The following TCP1 variants were observed in gnomAD, a reference collection of about 807,000 sequenced individuals.
The protein encoded by TCP1 is t-complex 1.
In TCP1, 6 loss-of-function variants were observed where a neutral mutation model predicts 54.7. That is an observed-to-expected ratio of 0.11 (90% CI 0.06 to 0.22). The LOEUF (loss-of-function observed/expected upper bound fraction) is 0.22, where lower values mean the gene tolerates loss of function less well. Ranked by LOEUF, TCP1 falls within the 10% of genes least tolerant of loss-of-function variation. The pLI is 1.00. For missense variants in TCP1, 511 were observed against 678.2 expected (o/e 0.75, Z 2.74); for synonymous variants, 225 against 229.7 (o/e 0.98, Z 0.19).
chr6:159,780,225 G>C (rs1427550689), intron 9 of TCP1, 138 bp from the exon 10 acceptor site: 1 of 1,212,220 alleles, frequency 8.2e-7, no homozygotes, highest in Non-Finnish European at 1.2e-6. Context: ...GCCTACACAG[G>C]ATATTTAGAT....
intron 3 of TCP1, among the ~76,000 whole-genome samples, chr6:159,786,222 A>C (rs1780694075): frequency 6.6e-6 from 1 of 152,206 alleles, no homozygotes; most frequent in Non-Finnish European, 1.5e-5. Context: ...TAAGCAAAAC[A>C]ATGGACAGCA....
chr6:159,779,984 T>C lies in TCP1; in HGVS notation c.1201A>G (p.Arg401Gly), dbSNP rs1780532992. 1 of 1,614,014 alleles carries C rather than the reference T, an allele frequency of 6.2e-7. No homozygotes were observed. The highest frequency in any genetic ancestry group is 1.3e-5 in the African/African-American group (1 of 74,926). Reference protein sequence around the residue: ...SLHDALCVVKRVLESKSVVPG... With the variant: ...SLHDALCVVKGVLESKSVVPG... ...ACCACAGATTTTGACTCCAAAACTCTCTTCACTACACAAAGTGCATCATGT... is the reference window on the plus strand; with the variant it reads ...ACCACAGATTTTGACTCCAAAACTCCCTTCACTACACAAAGTGCATCATGT... Residue 401 changes from arginine (R) to glycine (G), a missense_variant, in exon 10 of 12, where the codon AGA becomes GGA. Physicochemically the swap from Arg to Gly is moderately radical, Grantham distance 125. Coordinates refer to ENST00000321394, the MANE Select transcript of TCP1 (RefSeq NM_030752.3).
At chr6:159,786,022 T>G (rs1245443206) in intron 3 of TCP1, 25 bp from the exon 4 acceptor site, 12 of 1,579,690 alleles carry the variant, frequency 7.6e-6, no homozygotes, top group Non-Finnish European at 1.0e-5. Flanking sequence ...TTCACTGGTC[T>G]GAGTGTGCCG....
At position 159,778,977 on chromosome 6, in the gene TCP1, G is replaced by A; in HGVS notation, c.*68C>T. Reference sequence around the variant, plus strand: ...TTTACAGCTTGTACTTTACTTTAATGTGTAATACTCAACTCAAGGTACAAG... The same window carrying A: ...TTTACAGCTTGTACTTTACTTTAATATGTAATACTCAACTCAAGGTACAAG... On this transcript the variant is annotated 3_prime_UTR_variant, in exon 12 of 12. Coordinates refer to ENST00000321394, the MANE Select transcript of TCP1 (RefSeq NM_030752.3). The A allele has an allele frequency of 6.4e-7, 1 of 1,563,080 alleles. No homozygotes were observed. Among genetic ancestry groups the A allele is most frequent in the Non-Finnish European group, 8.7e-7 (1 of 1,145,088 alleles).
Position 159,783,920 on chromosome 6 carries a change from A to C in TCP1, c.797+21T>G, listed in dbSNP as rs372023013. ...CCAAGACACTCACACTTAAAAGGCC[A>C]AAAATAATCTCTCAACATACCTCTG... On this transcript the variant is annotated intron_variant, in intron 7 of 11. Coordinates refer to ENST00000321394, the MANE Select transcript of TCP1 (RefSeq NM_030752.3). 123 of 1,568,164 alleles carry C rather than the reference A, an allele frequency of 7.8e-5. No homozygotes were observed. The African/African-American group carries it at 1.6e-3, about 20-fold the overall frequency.
intron 1 of TCP1, 161 bp downstream of exon 1, chr6:159,789,244 G>C (rs1055738299): frequency 7.9e-6 from 6 of 757,032 alleles, no homozygotes; most frequent in African/African-American, 3.6e-5. Flanking sequence ...GGGCCACAGC[G>C]CCCTGCCCCA....
chr6:159,785,276 T>A lies in TCP1; in HGVS notation c.488+110A>T, dbSNP rs891524475. The A allele has an allele frequency of 6.0e-6, 5 of 829,460 alleles. No homozygotes were observed. In the East Asian group the frequency reaches 9.8e-5, roughly 16 times the overall value. The allele number at this position is 829,460 out of a possible 1,614,324, so 51.4% of individuals were successfully genotyped here. A position where few individuals can be genotyped will look rare whatever the true frequency, so the allele number is the denominator to read the frequency against. On this transcript the variant is annotated intron_variant, in intron 5 of 11. Coordinates refer to ENST00000321394, the MANE Select transcript of TCP1 (RefSeq NM_030752.3). ...TGGCACTCCTGGGTTCAATTAATAC[T>A]CCTACCTCAGCCTCCTTAGTAGCTG...
intron 9 of TCP1, 45 bp from the exon 10 acceptor site, chr6:159,780,132 A>T (rs200143758): frequency 5.1e-4 from 801 of 1,569,590 alleles, no homozygotes; most frequent in African/African-American, 4.9e-3. Context: ...ATTTTTAAAA[A>T]TTTTTTTTTG....
intron 7 of TCP1, among the ~76,000 whole-genome samples, chr6:159,782,222 AAT>A (rs1349304116): frequency 6.6e-6 from 1 of 152,234 alleles, no homozygotes; most frequent in Non-Finnish European, 1.5e-5. Context: ...TTGAAGAGTC[AAT>A]ATGAGTGAAG....
chr6:159,789,083 T>C, intron 1 of TCP1: 1 of 379,392 alleles, frequency 2.6e-6, no homozygotes, highest in South Asian at 4.2e-5. Context: ...CAAAAGGGGG[T>C]GCGAGGCGTG....
At chr6:159,783,341 G>C (rs1439519205) in intron 7 of TCP1, among the ~76,000 whole-genome samples, 1 of 105,926 alleles carries the variant, frequency 9.4e-6, no homozygotes, top group Non-Finnish European at 1.9e-5. Context: ...TCTTACTCTT[G>C]GCAAAGCTTT....
At chr6:159,779,568 A>C in intron 11 of TCP1, 59 bp downstream of exon 11, 2 of 1,534,470 alleles carry the variant, frequency 1.3e-6, no homozygotes, top group Non-Finnish European at 1.7e-6. Context: ...ATTGACTACT[A>C]TCCTTTTTAA....
chr6:159,784,257 T>G (rs1355259523), intron 6 of TCP1, among the ~76,000 whole-genome samples, 190 bp from the exon 7 acceptor site: 1 of 152,232 alleles, frequency 6.6e-6, no homozygotes, highest in African/African-American at 2.4e-5. Context: ...TGTATGTGCT[T>G]TAAATTACAA....
In TCP1 at chr6:159,789,497, T is replaced by C. The variant is rs376808629; in HGVS notation, c.-29A>G. 62 of 1,613,444 alleles carry C rather than the reference T, an allele frequency of 3.8e-5. No individual in the cohort carries two copies. Among genetic ancestry groups the C allele is most frequent in the Admixed American group, 1.8e-4 (11 of 60,006 alleles). On this transcript the variant is annotated 5_prime_UTR_variant, in exon 1 of 12. Transcript: ENST00000321394. The stretch of plus-strand genomic sequence containing the variant: ...GACGGCAGCGATACACGTCGAATTC[T>C]GCTTACACCGCGGGCAACCAGTATC...
chr6:159,779,401 G>A lies in TCP1; in HGVS notation c.1455-140C>T, dbSNP rs1780517146. 5 of 976,336 alleles carry A rather than the reference G, an allele frequency of 5.1e-6. No individual in the cohort carries two copies. In the South Asian group the frequency reaches 8.3e-5, roughly 16 times the overall value. The allele number at this position is 976,336 out of a possible 1,614,324, so 60.5% of individuals were successfully genotyped here. On this transcript the variant is annotated intron_variant, in intron 11 of 11. Coordinates refer to ENST00000321394, the MANE Select transcript of TCP1 (RefSeq NM_030752.3). ...GTAGGTAGTCTTTCTACCAAAAGAA[G>A]CAGGGAGAGATTAGCAATCACAGTT...
At chr6:159,781,866 A>C (rs941160652) in intron 7 of TCP1, among the ~76,000 whole-genome samples, 2 of 152,240 alleles carry the variant, frequency 1.3e-5, no homozygotes, top group Non-Finnish European at 2.9e-5. Context: ...GGTTACACCA[A>C]ACAATCTAGA....
chr6:159,789,494 T>TTA lies in TCP1; in HGVS notation c.-27_-26insTA. ...CTTGACGGCAGCGATACACGTCGAA[T>TTA]TCTGCTTACACCGCGGGCAACCAGT... On this transcript the variant is annotated 5_prime_UTR_variant, in exon 1 of 12. Transcript: ENST00000321394. The TTA allele has an allele frequency of 6.2e-7, 1 of 1,613,626 alleles. No homozygotes were observed. Among genetic ancestry groups the TTA allele is most frequent in the South Asian group, 1.1e-5 (1 of 91,076 alleles).
At chr6:159,782,375 G>A (rs536655934) in intron 7 of TCP1, among the ~76,000 whole-genome samples, 1 of 152,128 alleles carries the variant, frequency 6.6e-6, no homozygotes, top group South Asian at 2.1e-4. Flanking sequence ...TAAGCCCCAG[G>A]AAGAAAAAAT....
rs1780793208 is a variant in TCP1, at chr6:159,789,373, G to A, written c.64+32C>T. The A allele has an allele frequency of 3.1e-6, 5 of 1,612,140 alleles. No individual in the cohort carries two copies. The East Asian group carries it at 8.9e-5, about 29-fold the overall frequency. ...CGGTGGGACTCGGCCCTCCCCGGCC[G>A]CAAACCCGACCCAGGCCCGGCCCGC... is the stretch of plus-strand genomic sequence containing the variant. On this transcript the variant is annotated intron_variant, in intron 1 of 11. Transcript: ENST00000321394.
Sources: gnomAD v4.1 joint callset for allele counts (sites outside exome capture counted in the v4.1 genomes callset) on GRCh38, gnomAD v4.1.1 for gene constraint, MANE v1.5 for transcripts, NCBI Gene and HGNC (gene_info 2026-07-23, HGNC 2026-07-21) for gene names.